The following FBXO47 variants were observed in gnomAD, a reference collection of about 807,000 sequenced individuals.
FBXO47 encodes the protein F-box protein 47.
Under a neutral mutation model 53.9 loss-of-function variants are expected in FBXO47, and 34 were observed. That is an observed-to-expected ratio of 0.63 (90% CI 0.48 to 0.84). The LOEUF is 0.84. Among genes scored for constraint, FBXO47 ranks in the 40% least tolerant of loss-of-function variants. The pLI is 0.00. For synonymous variants in FBXO47, 165 were observed against 181.6 expected, an observed-to-expected ratio of 0.91 and a Z score of 0.73; for missense variants, 485 against 541.3, an observed-to-expected ratio of 0.90 and a Z score of 1.03.
At chr17:38,963,424 T>A (rs1267794172) in intron 1 of FBXO47, among the ~76,000 whole-genome samples, 1 of 152,034 alleles carries the variant, frequency 6.6e-6, no homozygotes, top group African/African-American at 2.4e-5. Context: ...TGATCTGCCC[T>A]CCTCAGCCTC....
intron 6 of FBXO47, 89 bp from the exon 7 acceptor site, chr17:38,945,225 T>C (rs1466679472): frequency 2.2e-6 from 2 of 905,792 alleles, no homozygotes; most frequent in South Asian, 3.2e-5. Context: ...TTAATCATTA[T>C]GGTTAGTGAT....
At chr17:38,967,161 C>T (rs544193434) in intron 1 of FBXO47, 68 bp downstream of exon 1, 1 of 152,148 alleles carries the variant, frequency 6.6e-6, no homozygotes, top group East Asian at 1.9e-4. Flanking sequence ...GTACATGTTT[C>T]GCTCCCTTCA....
rs371924670 is a variant in FBXO47 at position 38,961,836 on chromosome 17, C to T, written c.352+41G>A. The T allele has an allele frequency of 1.6e-4, 251 of 1,549,804 alleles. No individual in the cohort carries two copies. In the African/African-American group the frequency reaches 3.2e-3, roughly 19 times the overall value. ...GTATACTAAGTTTCTCTTAATTAAG[C>T]ACAGTTCTTTACTTGTTGCAATTCT... On this transcript the variant is annotated intron_variant, in intron 3 of 10. Coordinates refer to ENST00000378079, the MANE Select transcript of FBXO47 (RefSeq NM_001008777.3).
chr17:38,946,873 CAT>C lies in FBXO47; in HGVS notation c.617-1739_617-1738del, dbSNP rs1249773581. On this transcript the variant is annotated intron_variant, in intron 6 of 10. Transcript: ENST00000378079. ...ATAAAAATATATATAAATATATAAA[CAT>C]ATATATAAATATATATATAAACATA... Among the ~76,000 whole-genome samples, 244 of 87,010 alleles carry C rather than the reference CAT, an allele frequency of 2.8e-3. 1 individual carries two copies. Among genetic ancestry groups the C allele is most frequent in the East Asian group, 0.014 (42 of 3,102 alleles). 57.1% of individuals were successfully genotyped at this position (87,010 alleles called of 152,430 possible).
intron 9 of FBXO47, among the ~76,000 whole-genome samples, chr17:38,941,465 C>T (rs1005466354): frequency 1.3e-4 from 19 of 149,420 alleles, no homozygotes; most frequent in Non-Finnish European, 2.5e-4. Flanking sequence ...CCATCATGTC[C>T]GGCCAATTTT....
At chr17:38,949,253 T>C (rs1567718471) in intron 6 of FBXO47, among the ~76,000 whole-genome samples, 1 of 151,632 alleles carries the variant, frequency 6.6e-6, no homozygotes, top group Non-Finnish European at 1.5e-5. Context: ...CCCATCACTA[T>C]AAAAAATACC....
intron 9 of FBXO47, 38 bp downstream of exon 9, chr17:38,942,740 T>C: frequency 1.3e-6 from 2 of 1,580,504 alleles, no homozygotes; most frequent in Non-Finnish European, 1.7e-6. Context: ...AATTGTAGTG[T>C]TAAAAAACTT....
At chr17:38,957,026 G>C in intron 4 of FBXO47, 151 bp downstream of exon 4, 1 of 511,554 alleles carries the variant, frequency 2.0e-6, no homozygotes, top group Non-Finnish European at 3.5e-6. Context: ...TAATCTCGAA[G>C]TACTTGGTAA....
At chr17:38,956,576 G>C (rs193244000) in intron 4 of FBXO47, among the ~76,000 whole-genome samples, 1 of 146,164 alleles carries the variant, frequency 6.8e-6, no homozygotes, top group South Asian at 2.1e-4. Flanking sequence ...TGACAAGAGC[G>C]AGACTCTGTC....
At chr17:38,955,751 A>C (rs1017255844) in intron 4 of FBXO47, among the ~76,000 whole-genome samples, 6 of 151,592 alleles carry the variant, frequency 4.0e-5, no homozygotes, top group Non-Finnish European at 7.4e-5. Context: ...CGAGGTCAGG[A>C]GTTCGAGATC....
rs537662748 is a variant in FBXO47 at position 38,945,677 on chromosome 17, C to T, written c.617-541G>A. Among the ~76,000 whole-genome samples the T allele has an allele frequency of 4.1e-3, 628 of 151,912 alleles. 8 individuals carry two copies. Among genetic ancestry groups the T allele is most frequent in the African/African-American group, 0.015 (610 of 41,428 alleles). On this transcript the variant is annotated intron_variant, in intron 6 of 10. Transcript: ENST00000378079. ...ATTGGCCGGGTGCCGTGGCTCACAC[C>T]TGTAATCCCAGCACTTTGGGAGGCT...
chr17:38,948,015 C>A (rs1360015727), intron 6 of FBXO47, among the ~76,000 whole-genome samples: 1 of 152,042 alleles, frequency 6.6e-6, no homozygotes, highest in Non-Finnish European at 1.5e-5. Flanking sequence ...TTAAAGTGTA[C>A]AATTCAGTGG....
In FBXO47 at chr17:38,942,829, A is replaced by G; in HGVS notation, c.1032T>C (p.Ala344=). The G allele has an allele frequency of 6.2e-7, 1 of 1,613,888 alleles. No individual in the cohort carries two copies. The highest frequency in any genetic ancestry group is 8.5e-7 in the Non-Finnish European group (1 of 1,179,886). The change falls in exon 9 of 11, where the codon GCT becomes GCC. Residue 344 remains alanine (A), a synonymous_variant. Coordinates refer to ENST00000378079, the MANE Select transcript of FBXO47 (RefSeq NM_001008777.3). The part of the protein sequence containing the change: ...NICFSFMASK[A]VNGRTIELAR... ...CCAGTTCAATGGTGCGTCCATTCAC[A>G]GCTTTACTAGCCATGAAACTGAAAC... is the stretch of plus-strand genomic sequence containing the variant.
intron 10 of FBXO47, 70 bp downstream of exon 10, chr17:38,938,503 A>C: frequency 9.0e-7 from 1 of 1,110,228 alleles, no homozygotes; most frequent in South Asian, 2.5e-5. Flanking sequence ...AGAGAAAAAT[A>C]TCTCTGTTTT....
chr17:38,957,214 T>C lies in FBXO47; in HGVS notation c.392A>G (p.Lys131Arg), dbSNP rs756877332. ...FKRCTLLLPT[K>R]ERLKYIHKIL... ...CTTGTGAATGTATTTTAGCCTTTCCTTGGTGGGTAGCAGCAATGTGCATCT... is the reference window on the plus strand; with the variant it reads ...CTTGTGAATGTATTTTAGCCTTTCCCTGGTGGGTAGCAGCAATGTGCATCT... The change falls in exon 4 of 11, where the codon AAG becomes AGG. Residue 131 changes from lysine (K) to arginine (R), a missense_variant. Transcript: ENST00000378079. 6 of 1,612,212 alleles carry C rather than the reference T, an allele frequency of 3.7e-6. No homozygotes were observed. Among genetic ancestry groups the C allele is most frequent in the Non-Finnish European group, 5.1e-6 (6 of 1,178,656 alleles).
chr17:38,938,462 CTT>C (rs57980928), intron 10 of FBXO47, 109 bp downstream of exon 10: 4,307 of 583,796 alleles, frequency 7.4e-3, no homozygotes, highest in South Asian at 9.0e-3. Flanking sequence ...ATAGAAATAG[CTT>C]TTTTTTTTTT....
At position 38,962,926 on chromosome 17, in the gene FBXO47, C is replaced by T; in HGVS notation, c.100G>A (p.Gly34Ser). The T allele has an allele frequency of 6.2e-7, 1 of 1,613,322 alleles. No individual in the cohort carries two copies. The highest frequency in any genetic ancestry group is 8.5e-7 in the Non-Finnish European group (1 of 1,179,484). ...CCAAATGTTGATATGGGTTGAAAGC[C>T]TGAGCCAAGGGTCTTGGAATAACAG... ...TSCYSKTLGSGFQPISTFGNF... is the reference protein window; with the variant it reads ...TSCYSKTLGSSFQPISTFGNF... The change falls in exon 2 of 11, where the codon GGC becomes AGC. Residue 34 changes from glycine (G) to serine (S), a missense_variant. Transcript: ENST00000378079.
chr17:38,942,619 A>G (rs1904560173), intron 9 of FBXO47, among the ~76,000 whole-genome samples, 159 bp downstream of exon 9: 1 of 152,150 alleles, frequency 6.6e-6, no homozygotes, highest in South Asian at 2.1e-4. Context: ...AAAAGAAAAC[A>G]TATGTTTTAA....
intron 3 of FBXO47, 75 bp downstream of exon 3, chr17:38,961,802 T>C: frequency 7.6e-7 from 1 of 1,323,438 alleles, no homozygotes; most frequent in Non-Finnish European, 1.1e-6. Flanking sequence ...CTACTGGCCT[T>C]ACAGAATTGT....
Sources: gnomAD v4.1 joint callset for allele counts (sites outside exome capture counted in the v4.1 genomes callset) on GRCh38, gnomAD v4.1.1 for gene constraint, MANE v1.5 for transcripts, NCBI Gene and HGNC (gene_info 2026-07-23, HGNC 2026-07-21) for gene names.